Variants in CORO7 observed in about 807,000 individuals in gnomAD.
The protein encoded by CORO7 is coronin 7.
In CORO7, 107 loss-of-function variants were observed where a neutral mutation model predicts 126.6. That is an observed-to-expected ratio of 0.85 (90% confidence interval 0.72 to 0.99). The LOEUF (loss-of-function observed/expected upper bound fraction) is 0.99, where lower values mean the gene tolerates loss of function less well. Ranked by LOEUF, CORO7 falls within the 50% of genes least tolerant of loss-of-function variation. CORO7 has a pLI of 0.00. For synonymous variants in CORO7, 603 were observed against 536.8 expected, an observed-to-expected ratio of 1.12 and a Z score of -1.70; for missense variants, 1,314 against 1,255.8, an observed-to-expected ratio of 1.05 and a Z score of -0.70.
At chr16:4,365,388 G>A in intron 10 of CORO7, 103 bp downstream of exon 10, 1 of 1,491,238 alleles carries the variant, frequency 6.7e-7, no homozygotes, top group Non-Finnish European at 9.1e-7. Flanking sequence ...CTGCACAGGG[G>A]AAGACACAGA....
intron 10 of CORO7, 116 bp downstream of exon 10, chr16:4,365,375 T>C (rs1173590384): frequency 4.9e-6 from 7 of 1,443,224 alleles, no homozygotes; most frequent in Non-Finnish European, 5.6e-6. Flanking sequence ...ACAGTCACCT[T>C]GGCTGCACAG....
intron 19 of CORO7, among the ~76,000 whole-genome samples, 187 bp downstream of exon 19, chr16:4,360,756 C>T (rs559097394): frequency 6.8e-6 from 1 of 147,258 alleles, no homozygotes; most frequent in East Asian, 2.0e-4. Flanking sequence ...CCGGCCCCTC[C>T]TCACCGCTGG....
intron 9 of CORO7, among the ~76,000 whole-genome samples, chr16:4,379,070 A>G (rs1349321645): frequency 6.6e-6 from 1 of 151,906 alleles, no homozygotes; most frequent in Non-Finnish European, 1.5e-5. Context: ...GCTCCTCCTC[A>G]CATTCCAGGA....
intron 7 of CORO7, among the ~76,000 whole-genome samples, chr16:4,394,511 T>A (rs2055513500): frequency 6.7e-6 from 1 of 149,540 alleles, no homozygotes; most frequent in Non-Finnish European, 1.5e-5. Flanking sequence ...TGGGCCCGTA[T>A]CCCCCAGCGC....
intron 9 of CORO7, among the ~76,000 whole-genome samples, chr16:4,374,409 G>A (rs1001206254): frequency 4.7e-4 from 71 of 152,274 alleles, no homozygotes; most frequent in African/African-American, 1.7e-3. Flanking sequence ...GGGGGTGGGG[G>A]CAGGCGAGGG....
chr16:4,361,208 T>C lies in CORO7; in HGVS notation c.1728A>G (p.Ala576=), dbSNP rs1356932667. ...TGGTGAGCACCTCTTCCAGGCCCTC[T>C]GCGGGTACCCGCCACAGTCGGATCC... ...DARIRLWRVP[A]EGLEEVLTTP... is the part of the protein sequence containing the mutation. The change falls in exon 18 of 28, where the codon GCA becomes GCG. Residue 576 remains alanine (A), a synonymous_variant. Transcript: ENST00000251166. 2.5e-6 allele frequency: 4 copies of C among 1,611,620 alleles called. No individual in the cohort carries two copies. The highest frequency in any genetic ancestry group is 3.4e-6 in the Non-Finnish European group (4 of 1,179,958).
Position 4,364,491 on chromosome 16 carries a change from G to T in CORO7, c.1138-78C>A, listed in dbSNP as rs2054283787. ...GGGCCCCCATGGGAGGGTCAACTGG[G>T]TAGGGATGGGGGGCACCCAGCAGGC... On this transcript the variant is annotated intron_variant, in intron 13 of 27. Coordinates refer to ENST00000251166, the MANE Select transcript of CORO7 (RefSeq NM_024535.5). 10 of 1,484,488 alleles carry T rather than the reference G, an allele frequency of 6.7e-6. No homozygotes were observed. In the Admixed American group the frequency reaches 2.0e-4, roughly 30 times the overall value. 92.0% of individuals were successfully genotyped at this position (1,484,488 alleles called of 1,614,324 possible).
At position 4,361,453 on chromosome 16, in the gene CORO7, C is replaced by T. The variant is rs755060334; in HGVS notation, c.1595G>A (p.Arg532His). 1.9e-6 allele frequency: 3 copies of T among 1,611,818 alleles called. No homozygotes were observed. The highest frequency in any genetic ancestry group is 2.2e-5 in the East Asian group (1 of 44,896). Residue 532 changes from arginine (R) to histidine (H), a missense_variant, in exon 17 of 28, where the codon CGC becomes CAC. Coordinates refer to ENST00000251166, the MANE Select transcript of CORO7 (RefSeq NM_024535.5). ...VAVLELRKPG[R>H]LPDTALPTLQ... ...CGTGGGCAGTGCCGTGTCGGGCAGG[C>T]GGCCAGGCTTCCGTAGCTGTGGGAG...
At position 4,361,456 on chromosome 16, in the gene CORO7, C is replaced by T. The variant is rs1199026148; in HGVS notation, c.1592G>A (p.Gly531Asp). The change falls in exon 17 of 28, where the codon GGC (glycine) becomes GAC (aspartate). Residue 531 changes from glycine (G) to aspartate (D), a missense_variant. Physicochemically the swap from Gly to Asp is moderately conservative, Grantham distance 94 (BLOSUM62 -1). Coordinates refer to ENST00000251166, the MANE Select transcript of CORO7 (RefSeq NM_024535.5). ...GGGCAGTGCCGTGTCGGGCAGGCGG[C>T]CAGGCTTCCGTAGCTGTGGGAGGTG... is the stretch of plus-strand genomic sequence containing the variant. The part of the protein sequence containing the change: ...QVAVLELRKP[G>D]RLPDTALPTL... 1.2e-6 allele frequency: 2 copies of T among 1,611,732 alleles called. No individual in the cohort carries two copies. Among genetic ancestry groups the T allele is most frequent in the Non-Finnish European group, 1.7e-6 (2 of 1,179,778 alleles).
chr16:4,379,778 C>T (rs567138889), intron 9 of CORO7, among the ~76,000 whole-genome samples: 3 of 151,246 alleles, frequency 2.0e-5, no homozygotes, highest in Admixed American at 1.3e-4. Flanking sequence ...CACGGTGGCT[C>T]ATGCCTGTAA....
At position 4,362,150 on chromosome 16, in the gene CORO7, G is replaced by T; in HGVS notation, c.1413C>A (p.Ser471=). 6.2e-7 allele frequency: 1 copy of T among 1,607,642 alleles called. No homozygotes were observed. The highest frequency in any genetic ancestry group is 8.5e-7 in the Non-Finnish European group (1 of 1,177,960). Residue 471 remains serine, a synonymous_variant, in exon 16 of 28, where the codon TCC becomes TCA. Transcript: ENST00000251166. The surrounding 1 kb of genome is among the most constrained non-coding windows in gnomAD (Gnocchi z 5.3). ...RSLQSLLGPS[S]KFRHAQGTVL... ...CAGTGCCCTGAGCATGGCGGAACTT[G>T]GAACTGGGGCCTGGCAGGTGGCAGG...
intron 19 of CORO7, 39 bp downstream of exon 19, chr16:4,360,904 C>T (rs760850508): frequency 6.3e-7 from 1 of 1,592,530 alleles, no homozygotes; most frequent in Non-Finnish European, 8.5e-7. Context: ...CTGGCCCCGC[C>T]TCTCCACACT....
At position 4,407,828 on chromosome 16, in the gene CORO7, G is replaced by A. The variant is rs898218039; in HGVS notation, c.304-144C>T. 3.1e-5 allele frequency: 33 copies of A among 1,052,602 alleles called. No homozygotes were observed. The Middle Eastern group carries it at 8.8e-4, about 28-fold the overall frequency. 65.2% of individuals were successfully genotyped at this position (1,052,602 alleles called of 1,614,324 possible). On this transcript the variant is annotated intron_variant, in intron 4 of 27. Coordinates refer to ENST00000251166, the MANE Select transcript of CORO7 (RefSeq NM_024535.5). ...TTGGCCTTGGGAGGAGCGCCCACCC[G>A]CCTCAGCTTGCTTGGGCCAGGGGCT...
intron 21 of CORO7, 120 bp downstream of exon 21, chr16:4,360,158 C>A: frequency 7.6e-7 from 1 of 1,314,870 alleles, no homozygotes; most frequent in Non-Finnish European, 1.1e-6. Context: ...TACCCACCCA[C>A]CCAACCATCC....
At chr16:4,407,813 G>T in intron 4 of CORO7, 129 bp from the exon 5 acceptor site, 1 of 1,204,124 alleles carries the variant, frequency 8.3e-7, no homozygotes, top group South Asian at 1.6e-5. Flanking sequence ...TTGGCCTTGG[G>T]AGGAGCGCCC....
intron 26 of CORO7, 23 bp from the exon 27 acceptor site, chr16:4,355,395 G>T: frequency 6.2e-7 from 1 of 1,600,262 alleles, no homozygotes; most frequent in Non-Finnish European, 8.5e-7. Context: ...GCAGAAGAAG[G>T]GTAGGTAAGG....
At chr16:4,379,207 G>A (rs997541543) in intron 9 of CORO7, among the ~76,000 whole-genome samples, 8 of 152,102 alleles carry the variant, frequency 5.3e-5, no homozygotes, top group Admixed American at 3.9e-4. Context: ...GGGGAAGCCC[G>A]GACTCCAGCA....
chr16:4,381,580 ATCCGAGGCC>A, intron 9 of CORO7: 1 of 1,604,652 alleles, frequency 6.2e-7, no homozygotes, highest in Non-Finnish European at 8.5e-7. Context: ...GCCACCTGTG[ATCCGAGGCC>A]TCCGGGGCCT....
intron 9 of CORO7, chr16:4,382,351 A>G (rs1375636238): frequency 2.5e-6 from 4 of 1,611,964 alleles, no homozygotes; most frequent in South Asian, 1.1e-5. Flanking sequence ...CGTGCAGCTC[A>G]GGAGCCTCCG....
Sources: gnomAD v4.1 joint callset for allele counts (sites outside exome capture counted in the v4.1 genomes callset) on GRCh38, gnomAD v4.1.1 for gene constraint, Gnocchi (gnomAD v3.1) non-coding constraint, MANE v1.5 for transcripts, NCBI Gene and HGNC (gene_info 2026-07-23, HGNC 2026-07-21) for gene names.